Variants in GALNT10 observed in about 807,000 individuals in gnomAD.
The protein encoded by GALNT10 is GalNAc transferase 10.
GALNT10 carries 41 observed loss-of-function variants against 75.0 expected under a neutral mutation model. The observed-to-expected ratio is 0.55, with a 90% CI of 0.43 to 0.71. The LOEUF (loss-of-function observed/expected upper bound fraction) is 0.71. GALNT10 is among the 30% of genes least tolerant of loss of function. The pLI is 0.00. For synonymous variants in GALNT10, 302 were observed against 313.0 expected (o/e 0.96, Z 0.37); for missense variants, 727 against 818.5 (o/e 0.89, Z 1.36).
At chr5:154,281,895 G>A (rs1285699169) in intron 1 of GALNT10, among the ~76,000 whole-genome samples, 5 of 152,318 alleles carry the variant, frequency 3.3e-5, no homozygotes, top group South Asian at 2.1e-4. Context: ...TTGCATTCTA[G>A]GCAGCAAGAT....
At chr5:154,257,846 ATG>A (rs2113021470) in intron 1 of GALNT10, among the ~76,000 whole-genome samples, 1 of 152,238 alleles carries the variant, frequency 6.6e-6, no homozygotes, top group South Asian at 2.1e-4. Flanking sequence ...TTTTGCAGAT[ATG>A]TTTGTGCTAT....
At chr5:154,204,106 C>T (rs1470289003) in intron 1 of GALNT10, among the ~76,000 whole-genome samples, 1 of 152,178 alleles carries the variant, frequency 6.6e-6, no homozygotes, top group African/African-American at 2.4e-5. Context: ...GAGCCTGACT[C>T]CTCAGGTAGG....
At chr5:154,245,364 C>T (rs539981035) in intron 1 of GALNT10, among the ~76,000 whole-genome samples, 1 of 152,290 alleles carries the variant, frequency 6.6e-6, no homozygotes, top group Admixed American at 6.5e-5. Flanking sequence ...GCTATGTGCC[C>T]TGCATGGTGC....
chr5:154,256,254 G>A lies in GALNT10; in HGVS notation c.160-38562G>A, dbSNP rs567516955. Among the ~76,000 whole-genome samples the A allele has an allele frequency of 2.0e-5, 3 of 152,166 alleles. No individual in the cohort carries two copies. The East Asian group carries it at 5.8e-4, about 29-fold the overall frequency. On this transcript the variant is annotated intron_variant, in intron 1 of 11. Transcript: ENST00000297107. ...CCAACTGCTGTCATGCAGGAATACA[G>A]GGCTTGGCTTGCCAGGGCTTCTGGT...
chr5:154,242,063 G>A (rs1753344577), intron 1 of GALNT10, among the ~76,000 whole-genome samples: 1 of 152,138 alleles, frequency 6.6e-6, no homozygotes, highest in African/African-American at 2.4e-5. Flanking sequence ...CATGTGACTG[G>A]CTCTGTGAAG....
chr5:154,401,611 AT>A (rs892697324), intron 7 of GALNT10, among the ~76,000 whole-genome samples: 2 of 151,574 alleles, frequency 1.3e-5, no homozygotes, highest in East Asian at 1.9e-4. Flanking sequence ...GACTGGCTGG[AT>A]TTTTTTTTCT....
At chr5:154,248,928 T>C (rs1328106584) in intron 1 of GALNT10, among the ~76,000 whole-genome samples, 1 of 152,214 alleles carries the variant, frequency 6.6e-6, no homozygotes, top group Non-Finnish European at 1.5e-5. Flanking sequence ...TATTTTAGGC[T>C]CCAGGCTCCA....
chr5:154,322,044 G>A (rs1315624344), intron 3 of GALNT10, among the ~76,000 whole-genome samples: 2 of 152,186 alleles, frequency 1.3e-5, no homozygotes. Flanking sequence ...CCATGGATCT[G>A]GAAGCTTAAA....
rs1754250600 is a variant in GALNT10 at position 154,294,931 on chromosome 5, G to C, written c.262+13G>C. ...GCTCAGCGCGTAGGTACGGAGGGCA[G>C]GATTGGCCATGGGTGGGCTCTGTGA... On this transcript the variant is annotated intron_variant, in intron 2 of 11. Transcript: ENST00000297107. The C allele has an allele frequency of 2.3e-6, 3 of 1,331,908 alleles. No homozygotes were observed. The East Asian group carries it at 6.9e-5, about 31-fold the overall frequency. The allele number at this position is 1,331,908 out of a possible 1,614,324, so 82.5% of individuals were successfully genotyped here. A position where few individuals can be genotyped will look rare whatever the true frequency, so the allele number is the denominator to read the frequency against.
chr5:154,275,537 AAC>A (rs1452599273), intron 1 of GALNT10, among the ~76,000 whole-genome samples: 4 of 152,214 alleles, frequency 2.6e-5, no homozygotes, highest in African/African-American at 9.7e-5. Flanking sequence ...TTAAAAGAAC[AAC>A]AGTCATTCAT....
chr5:154,240,153 T>C (rs776801146), intron 1 of GALNT10, among the ~76,000 whole-genome samples: 3 of 152,232 alleles, frequency 2.0e-5, no homozygotes, highest in Non-Finnish European at 4.4e-5. Flanking sequence ...GGCACAGGAC[T>C]AGGTCATTGC....
intron 4 of GALNT10, among the ~76,000 whole-genome samples, chr5:154,359,383 C>A (rs914621741): frequency 6.6e-6 from 1 of 151,986 alleles, no homozygotes; most frequent in African/African-American, 2.4e-5. Flanking sequence ...TCATGCTCAG[C>A]CCGATTTTGA....
At chr5:154,197,217 C>G (rs1774958854) in intron 1 of GALNT10, among the ~76,000 whole-genome samples, 1 of 152,128 alleles carries the variant, frequency 6.6e-6, no homozygotes, top group Non-Finnish European at 1.5e-5. Context: ...TCTTACTTAC[C>G]CGTTCTGCCG....
At chr5:154,300,264 G>A (rs55855646) in intron 3 of GALNT10, among the ~76,000 whole-genome samples, 2,376 of 152,262 alleles carry the variant, frequency 0.016, 46 homozygotes, top group African/African-American at 0.053. Flanking sequence ...TCCTTGCAGG[G>A]TTCCAAATTC....
chr5:154,218,179 G>A, intron 1 of GALNT10: 1 of 976,752 alleles, frequency 1.0e-6, no homozygotes, highest in Non-Finnish European at 1.2e-6. Context: ...ACAAGCCTGG[G>A]GCACCTCCTC....
chr5:154,414,503 C>G (rs11167677), intron 10 of GALNT10, among the ~76,000 whole-genome samples: 31,424 of 152,006 alleles, frequency 0.21, 3,373 homozygotes, highest in East Asian at 0.43. Context: ...CTGTATGATT[C>G]CTTTATAGAA....
At chr5:154,388,487 T>C (rs1424416749) in intron 7 of GALNT10, 7 of 152,170 alleles carry the variant, frequency 4.6e-5, no homozygotes, top group Non-Finnish European at 1.5e-5. Context: ...ATCATTATTA[T>C]ACCCGTTTCA....
intron 1 of GALNT10, among the ~76,000 whole-genome samples, chr5:154,291,937 GGGAAGTCAGCCCAGTAC>G (rs1282035884): frequency 6.6e-6 from 1 of 152,208 alleles, no homozygotes; most frequent in Non-Finnish European, 1.5e-5. Context: ...GATGAGCTGA[GGGAAGTCAGCCCAGTAC>G]TGGCATGTCT....
At chr5:154,224,778 CTT>C (rs549615789) in intron 1 of GALNT10, among the ~76,000 whole-genome samples, 34 of 117,586 alleles carry the variant, frequency 2.9e-4, no homozygotes, top group African/African-American at 9.2e-4. Context: ...AAGCTCACTT[CTT>C]TTTTTTTTTT....
Sources: allele counts gnomAD v4.1 joint callset (sites outside exome capture counted in the v4.1 genomes callset), GRCh38; gene constraint gnomAD v4.1.1; transcripts MANE v1.5; gene names NCBI Gene and HGNC (gene_info 2026-07-23, HGNC 2026-07-21).